SOX5: variants seen among roughly 807,000 people sequenced by gnomAD.
SOX5 encodes the protein transcription factor SOX-5.
In SOX5, 9 loss-of-function variants were observed where a neutral mutation model predicts 92.0. The ratio of observed to expected loss-of-function variants is 0.10; its 90% CI spans 0.06 to 0.17. The LOEUF is 0.17. SOX5 is among the 10% of genes least tolerant of loss of function. SOX5 has a pLI of 1.00. For synonymous variants in SOX5, 344 were observed against 336.3 expected (o/e 1.02, Z -0.25); for missense variants, 642 against 944.5 (o/e 0.68, Z 4.20).
At chr12:23,605,047 G>T (rs1229408324) in intron 8 of SOX5, among the ~76,000 whole-genome samples, 3 of 152,048 alleles carry the variant, frequency 2.0e-5, no homozygotes, top group African/African-American at 7.2e-5. Flanking sequence ...AAAAGTACTT[G>T]AAGAAGATTA....
chr12:24,291,940 G>A (rs1287666290), intron 2 of SOX5, among the ~76,000 whole-genome samples: 1 of 152,168 alleles, frequency 6.6e-6, no homozygotes, highest in East Asian at 1.9e-4. Context: ...CTGCATTTAT[G>A]GATGGGTGGA....
At chr12:23,967,225 T>C (rs774913871) in intron 4 of SOX5, among the ~76,000 whole-genome samples, 1 of 152,132 alleles carries the variant, frequency 6.6e-6, no homozygotes, top group Non-Finnish European at 1.5e-5. Flanking sequence ...GGTGGGTCCA[T>C]AGTAATGAAC....
intron 4 of SOX5, among the ~76,000 whole-genome samples, chr12:24,008,511 A>G (rs1952569074): frequency 6.6e-6 from 1 of 152,120 alleles, no homozygotes; most frequent in Non-Finnish European, 1.5e-5. Flanking sequence ...ATCCACCTAT[A>G]TATTTTTGAG....
intron 4 of SOX5, among the ~76,000 whole-genome samples, chr12:24,095,178 C>CAGAG (rs139414194): frequency 8.5e-6 from 1 of 117,396 alleles, no homozygotes; most frequent in East Asian, 2.5e-4. Flanking sequence ...GAGACAGAGA[C>CAGAG]AGAGAGAGAG....
intron 3 of SOX5, among the ~76,000 whole-genome samples, chr12:23,803,297 C>T (rs1377479009): frequency 1.3e-5 from 2 of 152,074 alleles, no homozygotes; most frequent in African/African-American, 4.8e-5. Context: ...ATTATCTGTC[C>T]CAACAAGAAA....
chr12:23,579,166 T>C (rs1039973414), intron 9 of SOX5, among the ~76,000 whole-genome samples: 1 of 152,172 alleles, frequency 6.6e-6, no homozygotes, highest in Non-Finnish European at 1.5e-5. Flanking sequence ...ATGCCCATGC[T>C]GAAAGATAAC....
chr12:24,270,629 A>C (rs1943606656), intron 3 of SOX5, among the ~76,000 whole-genome samples: 1 of 152,208 alleles, frequency 6.6e-6, no homozygotes, highest in East Asian at 1.9e-4. Flanking sequence ...CTCTCTCTTG[A>C]GTTAGAAGTG....
At chr12:24,383,233 T>G (rs1450115926) in intron 1 of SOX5, among the ~76,000 whole-genome samples, 2 of 152,174 alleles carry the variant, frequency 1.3e-5, no homozygotes, top group East Asian at 3.8e-4. Context: ...GAGTCTTTAT[T>G]TAAAAGATAC....
intron 4 of SOX5, among the ~76,000 whole-genome samples, chr12:24,178,258 T>G (rs2139235829): frequency 6.6e-6 from 1 of 151,738 alleles, no homozygotes; most frequent in African/African-American, 2.4e-5. Flanking sequence ...TTTTTTTTTT[T>G]TTTTTTTCCC....
At chr12:23,863,801 CACA>C (rs2096782039) in intron 2 of SOX5, among the ~76,000 whole-genome samples, 1 of 24,600 alleles carries the variant, frequency 4.1e-5, no homozygotes, top group Non-Finnish European at 1.0e-4. Flanking sequence ...ACTACACACA[CACA>C]CACACACACA....
In SOX5 at chr12:23,923,091, G is replaced by A. The variant is rs1170332945; in HGVS notation, c.38+26473C>T. ...CTCCCGAGTAGCTGGGACTACAGGC[G>A]CCCGCCACAACGCCCGGCTAATTTT... is the stretch of plus-strand genomic sequence containing the variant. On this transcript the variant is annotated intron_variant, in intron 1 of 14. Coordinates refer to ENST00000451604, the MANE Select transcript of SOX5 (RefSeq NM_006940.6). Among the ~76,000 whole-genome samples the A allele has an allele frequency of 8.2e-4, 124 of 151,742 alleles. 2 individuals are homozygous for A. The highest frequency in any genetic ancestry group is 7.4e-5 in the Non-Finnish European group (5 of 67,694).
chr12:24,468,997 C>T (rs538138948), intron 1 of SOX5, among the ~76,000 whole-genome samples: 13 of 152,218 alleles, frequency 8.5e-5, no homozygotes, highest in African/African-American at 2.9e-4. Context: ...TTATGGCGCA[C>T]TTTATTTCCA....
chr12:24,361,017 T>C (rs865903678), intron 2 of SOX5, among the ~76,000 whole-genome samples: 7 of 152,310 alleles, frequency 4.6e-5, no homozygotes, highest in Middle Eastern at 6.8e-3. Context: ...TAAACATCTA[T>C]GGTTCATTAA....
At chr12:24,261,647 T>C (rs1419879779) in intron 3 of SOX5, among the ~76,000 whole-genome samples, 1 of 152,230 alleles carries the variant, frequency 6.6e-6, no homozygotes, top group Non-Finnish European at 1.5e-5. Flanking sequence ...TGGAATTTAA[T>C]GACCTGAAAT....
chr12:23,931,025 T>G (rs375382024), intron 1 of SOX5, among the ~76,000 whole-genome samples: 3 of 151,786 alleles, frequency 2.0e-5, no homozygotes, highest in African/African-American at 7.2e-5. Context: ...ACCATAAGCT[T>G]CATAGGGACA....
At chr12:24,395,956 T>C (rs983970399) in intron 1 of SOX5, among the ~76,000 whole-genome samples, 3 of 152,192 alleles carry the variant, frequency 2.0e-5, no homozygotes, top group Non-Finnish European at 2.9e-5. Flanking sequence ...CTCTAAGAAG[T>C]GCATGCTGCT....
chr12:24,169,420 T>C (rs1317152775), intron 4 of SOX5, among the ~76,000 whole-genome samples: 1 of 152,208 alleles, frequency 6.6e-6, no homozygotes, highest in African/African-American at 2.4e-5. Context: ...AAATTCAAGC[T>C]GTTATATAGT....
intron 4 of SOX5, among the ~76,000 whole-genome samples, chr12:24,112,288 G>A (rs1280650095): frequency 1.3e-5 from 2 of 152,090 alleles, no homozygotes; most frequent in East Asian, 3.9e-4. Flanking sequence ...TCTCAAAAAA[G>A]TTTTATGGAA....
At chr12:23,607,794 T>A (rs1431942914) in intron 8 of SOX5, among the ~76,000 whole-genome samples, 1 of 152,176 alleles carries the variant, frequency 6.6e-6, no homozygotes, top group African/African-American at 2.4e-5. Flanking sequence ...TGTTTGTACG[T>A]ATGTATGCCT....
Sources: allele counts gnomAD v4.1 joint callset (sites outside exome capture counted in the v4.1 genomes callset), GRCh38; gene constraint gnomAD v4.1.1; transcripts MANE v1.5; gene names NCBI Gene and HGNC (gene_info 2026-07-23, HGNC 2026-07-21).